PCDH9: variants seen among roughly 807,000 people sequenced by gnomAD.
PCDH9 encodes the protein protocadherin 9, also known as protocadherin-9.
PCDH9 carries 24 observed loss-of-function variants against 70.6 expected under a neutral mutation model. The observed-to-expected ratio is 0.34, with a 90% CI of 0.25 to 0.48. The LOEUF (loss-of-function observed/expected upper bound fraction) is 0.48, where lower values mean the gene tolerates loss of function less well. Ranked by LOEUF, PCDH9 falls within the 20% of genes least tolerant of loss-of-function variation. The probability of loss-of-function intolerance (pLI) is 0.99; values close to 1 mark genes in which losing one functional copy is unlikely to be tolerated. For missense variants in PCDH9, 1,281 were observed against 1,503.6 expected (o/e 0.85, Z 2.45); for synonymous variants, 562 against 558.5 (o/e 1.01, Z -0.09).
intron 3 of PCDH9, among the ~76,000 whole-genome samples, chr13:66,700,390 A>C (rs767199868): frequency 1.3e-5 from 2 of 152,176 alleles, no homozygotes; most frequent in African/African-American, 2.4e-5. Context: ...GCTTCTTAGG[A>C]CATAATTGTG....
intron 3 of PCDH9, among the ~76,000 whole-genome samples, chr13:66,868,817 C>G (rs2081620723): frequency 6.6e-6 from 1 of 152,066 alleles, no homozygotes; most frequent in Non-Finnish European, 1.5e-5. Context: ...ACTTAGTGAA[C>G]AGATATTACA....
chr13:66,897,842 A>G (rs1359876172), intron 3 of PCDH9, among the ~76,000 whole-genome samples: 1 of 152,116 alleles, frequency 6.6e-6, no homozygotes, highest in Non-Finnish European at 1.5e-5. Context: ...AAGTGCAAAG[A>G]TTCCTAAATG....
intron 4 of PCDH9, among the ~76,000 whole-genome samples, chr13:66,472,159 C>T (rs1369139223): frequency 6.7e-6 from 1 of 148,740 alleles, no homozygotes; most frequent in Non-Finnish European, 1.5e-5. Context: ...TTACAGTGAG[C>T]CGATATCGTG....
intron 3 of PCDH9, among the ~76,000 whole-genome samples, chr13:66,847,577 C>G (rs898478293): frequency 1.3e-5 from 2 of 150,498 alleles, no homozygotes; most frequent in Non-Finnish European, 2.9e-5. Context: ...TCTCAGCATA[C>G]TATTTTTTTC....
intron 2 of PCDH9, among the ~76,000 whole-genome samples, chr13:67,029,463 T>A (rs917958279): frequency 6.6e-6 from 1 of 152,210 alleles, no homozygotes; most frequent in Admixed American, 6.5e-5. Flanking sequence ...GTATCTCCTA[T>A]GTTTTTATTT....
intron 2 of PCDH9, among the ~76,000 whole-genome samples, chr13:67,170,539 C>T (rs989195829): frequency 2.0e-4 from 31 of 151,752 alleles, no homozygotes; most frequent in African/African-American, 7.2e-4. Context: ...AAAGACCATC[C>T]TATAAGAATT....
intron 4 of PCDH9, among the ~76,000 whole-genome samples, chr13:66,367,066 C>A (rs1390379977): frequency 6.6e-6 from 1 of 152,060 alleles, no homozygotes; most frequent in African/African-American, 2.4e-5. Context: ...TGTGCTAGTG[C>A]AACATTAATT....
Position 66,636,739 on chromosome 13 carries a change from T to C in PCDH9, c.3139-5328A>G, listed in dbSNP as rs1404981225. ...ATTTATCTATCATTCTAACTATGTA[T>C]CTATGTATCTATCTATTGCTAAATA... On this transcript the variant is annotated intron_variant, in intron 3 of 4. Transcript: ENST00000377865. Among the ~76,000 whole-genome samples, 4 of 152,126 alleles carry C rather than the reference T, an allele frequency of 2.6e-5. No homozygotes were observed. The East Asian group carries it at 7.7e-4, about 29-fold the overall frequency.
At chr13:66,957,844 A>G (rs538003924) in intron 2 of PCDH9, among the ~76,000 whole-genome samples, 37 of 152,336 alleles carry the variant, frequency 2.4e-4, no homozygotes, top group African/African-American at 8.4e-4. Context: ...TGTGGTTTTA[A>G]TCACCCAGTC....
intron 2 of PCDH9, among the ~76,000 whole-genome samples, chr13:67,174,450 T>C (rs973296703): frequency 6.6e-6 from 1 of 152,078 alleles, no homozygotes; most frequent in Non-Finnish European, 1.5e-5. Context: ...TTATAAACAG[T>C]GTTGATTATA....
intron 2 of PCDH9, among the ~76,000 whole-genome samples, chr13:67,117,690 C>T (rs2086803975): frequency 6.6e-6 from 1 of 152,082 alleles, no homozygotes; most frequent in Admixed American, 6.6e-5. Context: ...GCAATCTTAT[C>T]TGAGGTAATA....
intron 3 of PCDH9, among the ~76,000 whole-genome samples, chr13:66,699,550 T>A (rs963673395): frequency 1.3e-5 from 2 of 152,086 alleles, no homozygotes; most frequent in Non-Finnish European, 2.9e-5. Flanking sequence ...AGTGTGCAGA[T>A]GGAGGCAGAG....
At chr13:66,683,035 T>A (rs966519649) in intron 3 of PCDH9, among the ~76,000 whole-genome samples, 6 of 152,182 alleles carry the variant, frequency 3.9e-5, no homozygotes, top group Admixed American at 3.9e-4. Flanking sequence ...CATTTTATAG[T>A]GCCTCTAGGG....
At chr13:66,418,884 A>G (rs1268318118) in intron 4 of PCDH9, among the ~76,000 whole-genome samples, 1 of 152,176 alleles carries the variant, frequency 6.6e-6, no homozygotes. Flanking sequence ...TCAAATAGAC[A>G]TGTAAAAAAA....
chr13:66,569,255 T>C (rs9540822), intron 4 of PCDH9, among the ~76,000 whole-genome samples: 36,899 of 151,738 alleles, frequency 0.24, 5,021 homozygotes, highest in South Asian at 0.35. Context: ...TGACCTCAAA[T>C]GACCCACCTG....
chr13:67,182,314 A>G (rs2138486609), intron 2 of PCDH9, among the ~76,000 whole-genome samples: 1 of 152,266 alleles, frequency 6.6e-6, no homozygotes, highest in Middle Eastern at 3.4e-3. Flanking sequence ...AAAAACATGG[A>G]GTTGAGAGGT....
chr13:66,863,462 G>C (rs561970514), intron 3 of PCDH9, among the ~76,000 whole-genome samples: 1 of 152,108 alleles, frequency 6.6e-6, no homozygotes, highest in South Asian at 2.1e-4. Context: ...AACTGACTTG[G>C]TATAATACCC....
chr13:67,175,187 A>C (rs1309332322), intron 2 of PCDH9, among the ~76,000 whole-genome samples: 1 of 152,158 alleles, frequency 6.6e-6, no homozygotes, highest in Non-Finnish European at 1.5e-5. Flanking sequence ...GCTCTGGACA[A>C]TATGTGTTTA....
At chr13:67,086,931 T>C (rs1012225863) in intron 2 of PCDH9, among the ~76,000 whole-genome samples, 2 of 152,090 alleles carry the variant, frequency 1.3e-5, no homozygotes, top group Admixed American at 6.6e-5. Context: ...GCAAGCACTG[T>C]TTAAACTACT....
Sources: gnomAD v4.1 joint callset for allele counts (sites outside exome capture counted in the v4.1 genomes callset) on GRCh38, gnomAD v4.1.1 for gene constraint, MANE v1.5 for transcripts, NCBI Gene and HGNC (gene_info 2026-07-23, HGNC 2026-07-21) for gene names.